Variants in TNC observed in about 807,000 individuals in gnomAD.
TNC encodes tenascin C, also known as tenascin.
In TNC, 109 loss-of-function variants were observed where a neutral mutation model predicts 202.4. The ratio of observed to expected loss-of-function variants is 0.54; its 90% CI spans 0.46 to 0.63. The LOEUF (loss-of-function observed/expected upper bound fraction) is 0.63. Among genes scored for constraint, TNC ranks in the 30% least tolerant of loss-of-function variants. The pLI, the probability that TNC is intolerant of heterozygous loss-of-function variation, is 0.00. For synonymous variants in TNC, 1,007 were observed against 1,089.7 expected, an observed-to-expected ratio of 0.92 and a Z score of 1.50; for missense variants, 2,756 against 2,833.3, an observed-to-expected ratio of 0.97 and a Z score of 0.62.
In TNC at chr9:115,045,453, A is replaced by T. The variant is rs569204347; in HGVS notation, c.5125+957T>A. On this transcript the variant is annotated intron_variant, in intron 17 of 27. Coordinates refer to ENST00000350763, the MANE Select transcript of TNC (RefSeq NM_002160.4). The stretch of plus-strand genomic sequence containing the variant: ...ACGAACACAGCTCACCACAGCCTTA[A>T]CCTCCTGGGCTCAAGAGATCTTCCT... Among the ~76,000 whole-genome samples the T allele has an allele frequency of 2.0e-5, 3 of 151,492 alleles. No individual in the cohort carries two copies. The East Asian group carries it at 5.8e-4, about 29-fold the overall frequency.
At chr9:115,070,756 G>T (rs1833404987) in intron 10 of TNC, among the ~76,000 whole-genome samples, 1 of 152,206 alleles carries the variant, frequency 6.6e-6, no homozygotes, top group Admixed American at 6.5e-5. Context: ...TCTTGCTTCT[G>T]ATGGTTGAAC....
chr9:115,079,676 T>C (rs1047957856), intron 6 of TNC, among the ~76,000 whole-genome samples: 2 of 152,218 alleles, frequency 1.3e-5, no homozygotes, highest in Non-Finnish European at 2.9e-5. Context: ...ACAAGGAGAA[T>C]ACTATAAACC....
At chr9:115,100,227 A>G (rs1250026) in intron 1 of TNC, among the ~76,000 whole-genome samples, 68,139 of 151,998 alleles carry the variant, frequency 0.45, 15,529 homozygotes, top group Admixed American at 0.52. Flanking sequence ...AAATTATAGG[A>G]TCAAAATCAT....
chr9:115,034,259 C>T (rs1340304153), intron 22 of TNC, among the ~76,000 whole-genome samples: 1 of 152,152 alleles, frequency 6.6e-6, no homozygotes, highest in Non-Finnish European at 1.5e-5. Context: ...GGTTTTATGG[C>T]ACTGTTATTT....
chr9:115,106,085 C>A (rs1836595193), intron 1 of TNC, among the ~76,000 whole-genome samples: 1 of 152,144 alleles, frequency 6.6e-6, no homozygotes, highest in Non-Finnish European at 1.5e-5. Context: ...TATGACCTCT[C>A]TGGGATAAAA....
rs868340443 is a variant in TNC at position 115,058,600 on chromosome 9, G to A, written c.4306+1130C>T. Among the ~76,000 whole-genome samples, 35 of 152,342 alleles carry A rather than the reference G, an allele frequency of 2.3e-4. 1 individual carries two copies. Among genetic ancestry groups the A allele is most frequent in the Middle Eastern group, 6.8e-3 (2 of 294 alleles). On this transcript the variant is annotated intron_variant, in intron 14 of 27. Transcript: ENST00000350763. ...GCATTTCAGGGTCACCGTCCTGGCA[G>A]TGGTTGCCTGTGCTTTATGTTTCTT...
intron 20 of TNC, among the ~76,000 whole-genome samples, chr9:115,038,058 G>A (rs950905020): frequency 2.0e-5 from 3 of 152,174 alleles, no homozygotes; most frequent in African/African-American, 7.2e-5. Flanking sequence ...GGCTGGAGAT[G>A]TATTTTTATT....
chr9:115,069,603 C>T (rs1465950250), intron 10 of TNC, among the ~76,000 whole-genome samples: 1 of 23,462 alleles, frequency 4.3e-5, no homozygotes, highest in Non-Finnish European at 1.0e-4. Flanking sequence ...TCCCTTCCTC[C>T]CTCCCTCCCT....
At chr9:115,035,051 A>G (rs1310130439) in intron 22 of TNC, among the ~76,000 whole-genome samples, 153 bp downstream of exon 22, 1 of 150,058 alleles carries the variant, frequency 6.7e-6, no homozygotes. Context: ...ATGATTCAGA[A>G]GGTCTGGCAT....
At chr9:115,087,674 G>A (rs958830543) in intron 2 of TNC, among the ~76,000 whole-genome samples, 3 of 150,588 alleles carry the variant, frequency 2.0e-5, no homozygotes, top group African/African-American at 7.3e-5. Flanking sequence ...TTAGGCTGGG[G>A]CTATGTTACT....
intron 1 of TNC, among the ~76,000 whole-genome samples, chr9:115,111,724 A>C (rs554558791): frequency 3.3e-5 from 5 of 152,012 alleles, no homozygotes; most frequent in Admixed American, 2.6e-4. Context: ...TCTCTTTCTC[A>C]TTGGCTTTGT....
chr9:115,064,357 C>G (rs1437647400), intron 11 of TNC, among the ~76,000 whole-genome samples: 1 of 152,122 alleles, frequency 6.6e-6, no homozygotes, highest in Non-Finnish European at 1.5e-5. Flanking sequence ...CCTTAACGTC[C>G]TTTAACAGGA....
rs12237587 is a variant in TNC, at chr9:115,111,403, T to C, written c.-137+6579A>G. Among the ~76,000 whole-genome samples the C allele has an allele frequency of 2.2e-3, 227 of 104,970 alleles. 1 individual carries two copies. Among genetic ancestry groups the C allele is most frequent in the African/African-American group, 6.7e-3 (184 of 27,492 alleles). The allele number at this position is 104,970 out of a possible 152,430, so 68.9% of individuals were successfully genotyped here. A position where few individuals can be genotyped will look rare whatever the true frequency, so the allele number is the denominator to read the frequency against. On this transcript the variant is annotated intron_variant, in intron 1 of 27. Transcript: ENST00000350763. ...ATAGACTTTCTCTCTCTCTCTCTTT[T>C]TTTTTTTTTTTTTTTTTTTTTTGAG...
intron 10 of TNC, among the ~76,000 whole-genome samples, chr9:115,065,747 C>A (rs1832900448): frequency 2.6e-5 from 4 of 151,816 alleles, no homozygotes; most frequent in Non-Finnish European, 5.9e-5. Context: ...ACAAAAAATA[C>A]AGAAATTAGC....
At chr9:115,030,508 A>G in intron 23 of TNC, 103 bp from the exon 24 acceptor site, 1 of 1,308,104 alleles carries the variant, frequency 7.6e-7, no homozygotes, top group Non-Finnish European at 1.0e-6. Flanking sequence ...GGGAATTTCC[A>G]GGTGCAATAA....
At chr9:115,062,051 G>A (rs1832585022) in intron 13 of TNC, among the ~76,000 whole-genome samples, 1 of 152,170 alleles carries the variant, frequency 6.6e-6, no homozygotes, top group South Asian at 2.1e-4. Flanking sequence ...TGGTGGCTCT[G>A]AGGCTAGTAA....
At chr9:115,105,546 A>G (rs1037282340) in intron 1 of TNC, among the ~76,000 whole-genome samples, 4 of 152,192 alleles carry the variant, frequency 2.6e-5, no homozygotes, top group African/African-American at 9.6e-5. Flanking sequence ...ATTATGTTAA[A>G]GGGTGGTTTG....
chr9:115,091,285 C>A (rs1253333228), intron 1 of TNC, 131 bp from the exon 2 acceptor site: 1 of 442,564 alleles, frequency 2.3e-6, no homozygotes, highest in Admixed American at 3.8e-5. Context: ...CATTATATAC[C>A]CTTGAAATAA....
chr9:115,092,245 C>A (rs918110350), intron 1 of TNC, among the ~76,000 whole-genome samples: 4 of 152,168 alleles, frequency 2.6e-5, no homozygotes, highest in Admixed American at 6.5e-5. Context: ...TTAAGCTGAG[C>A]CTTAAATAGT....
Sources: gnomAD v4.1 joint callset for allele counts (sites outside exome capture counted in the v4.1 genomes callset) on GRCh38, gnomAD v4.1.1 for gene constraint, MANE v1.5 for transcripts, NCBI Gene and HGNC (gene_info 2026-07-23, HGNC 2026-07-21) for gene names.